HIVEP3: variants seen among roughly 807,000 people sequenced by gnomAD.
HIVEP3 encodes the protein transcription factor HIVEP3.
In HIVEP3, 49 loss-of-function variants were observed where a neutral mutation model predicts 152.8. That is an observed-to-expected ratio of 0.32 (90% CI 0.26 to 0.41). HIVEP3 has a LOEUF of 0.41. Ranked by LOEUF, HIVEP3 falls within the 10% of genes least tolerant of loss-of-function variation. The pLI is 1.00. For missense variants in HIVEP3, 2,790 were observed against 3,103.3 expected, an observed-to-expected ratio of 0.90 and a Z score of 2.40; for synonymous variants, 1,269 against 1,289.0, an observed-to-expected ratio of 0.98 and a Z score of 0.33.
At chr1:41,759,148 T>C (rs1170298809) in intron 1 of HIVEP3, among the ~76,000 whole-genome samples, 1 of 151,332 alleles carries the variant, frequency 6.6e-6, no homozygotes, top group Non-Finnish European at 1.5e-5. Flanking sequence ...TTCTATTAGG[T>C]TGGTGCAAAA....
At chr1:41,736,734 A>G (rs1332413104) in intron 1 of HIVEP3, among the ~76,000 whole-genome samples, 1 of 152,212 alleles carries the variant, frequency 6.6e-6, no homozygotes, top group Non-Finnish European at 1.5e-5. Flanking sequence ...TTAAGGCACA[A>G]GGATGATCAC....
rs145384872 is a variant in HIVEP3, at chr1:41,701,524, T to C, written c.-800-529A>G. Among the ~76,000 whole-genome samples, 189 of 152,298 alleles carry C rather than the reference T, an allele frequency of 1.2e-3. 1 individual carries two copies. The highest frequency in any genetic ancestry group is 4.4e-3 in the African/African-American group (181 of 41,558). On this transcript the variant is annotated intron_variant, in intron 1 of 8. Transcript: ENST00000372583. ...AAATGCCACAGGCTGGTGGGTTGCC[T>C]CCCTTCTCCAAGTGACCTCTGTGCC...
intron 2 of HIVEP3, among the ~76,000 whole-genome samples, chr1:41,648,685 AT>A (rs1645499543): frequency 6.6e-6 from 1 of 152,234 alleles, no homozygotes; most frequent in Admixed American, 6.5e-5. Context: ...GGTTACATGA[AT>A]TTAAAAGTTC....
chr1:41,538,500 G>A (rs891543790), intron 5 of HIVEP3, among the ~76,000 whole-genome samples: 3 of 152,114 alleles, frequency 2.0e-5, no homozygotes, highest in Non-Finnish European at 2.9e-5. Flanking sequence ...TTTTACTATT[G>A]TGATTTTTTT....
At chr1:41,735,374 A>T (rs985467366) in intron 1 of HIVEP3, among the ~76,000 whole-genome samples, 9 of 152,208 alleles carry the variant, frequency 5.9e-5, no homozygotes, top group Admixed American at 1.3e-4. Context: ...AGGGATGAGG[A>T]TGCACTTCTC....
At chr1:41,849,876 A>G (rs1158347519) in intron 1 of HIVEP3, among the ~76,000 whole-genome samples, 1 of 152,106 alleles carries the variant, frequency 6.6e-6, no homozygotes, top group East Asian at 1.9e-4. Flanking sequence ...TTTTTAGTAG[A>G]CATGGGGTTT....
intron 1 of HIVEP3, among the ~76,000 whole-genome samples, chr1:41,735,615 C>G (rs952031008): frequency 2.6e-5 from 4 of 152,154 alleles, no homozygotes; most frequent in African/African-American, 9.7e-5. Flanking sequence ...GCCTTTCTCC[C>G]CTATGGCTGG....
chr1:41,613,443 C>G (rs1644925105), intron 3 of HIVEP3, among the ~76,000 whole-genome samples: 2 of 152,232 alleles, frequency 1.3e-5, no homozygotes, highest in Non-Finnish European at 2.9e-5. Flanking sequence ...GTATTTTAAA[C>G]ACCTTCATGT....
intron 5 of HIVEP3, among the ~76,000 whole-genome samples, chr1:41,549,331 C>T (rs574108352): frequency 6.6e-6 from 1 of 152,178 alleles, no homozygotes; most frequent in South Asian, 2.1e-4. Flanking sequence ...CCACAATAAA[C>T]ATATGTGTGC....
intron 1 of HIVEP3, among the ~76,000 whole-genome samples, chr1:41,963,640 G>A (rs1285620282): frequency 4.6e-5 from 7 of 151,906 alleles, no homozygotes; most frequent in African/African-American, 1.7e-4. Flanking sequence ...AAACCTGCAC[G>A]TTGTGCACAT....
chr1:41,888,985 CCA>C (rs1000995799), intron 1 of HIVEP3, among the ~76,000 whole-genome samples: 3 of 140,144 alleles, frequency 2.1e-5, no homozygotes, highest in African/African-American at 8.8e-5. Context: ...ACCACACATG[CCA>C]CACACACACC....
chr1:41,846,561 C>T (rs955129043), intron 1 of HIVEP3, among the ~76,000 whole-genome samples: 2 of 152,194 alleles, frequency 1.3e-5, no homozygotes, highest in South Asian at 2.1e-4. Context: ...TACACCTGAA[C>T]GTGTTCGCTG....
At chr1:41,631,070 G>A (rs1645187090) in intron 2 of HIVEP3, among the ~76,000 whole-genome samples, 1 of 152,192 alleles carries the variant, frequency 6.6e-6, no homozygotes, top group Admixed American at 6.5e-5. Flanking sequence ...GATCAAATAA[G>A]GAAATATAGA....
intron 1 of HIVEP3, among the ~76,000 whole-genome samples, chr1:41,898,249 C>T (rs1644565977): frequency 1.3e-5 from 2 of 152,106 alleles, no homozygotes; most frequent in South Asian, 4.1e-4. Context: ...ATAAGAAAAA[C>T]TTAGTTTCCT....
chr1:41,683,153 C>T (rs1306680734), intron 2 of HIVEP3, among the ~76,000 whole-genome samples: 4 of 152,194 alleles, frequency 2.6e-5, no homozygotes, highest in African/African-American at 9.7e-5. Context: ...GCCCCCAAAA[C>T]AGAAGGGAAC....
At chr1:41,774,475 A>T (rs1648567624) in intron 1 of HIVEP3, among the ~76,000 whole-genome samples, 1 of 152,260 alleles carries the variant, frequency 6.6e-6, no homozygotes, top group African/African-American at 2.4e-5. Flanking sequence ...ATTCAGGCAC[A>T]TAATGGGCAA....
chr1:41,678,728 G>A (rs139937489), intron 2 of HIVEP3, among the ~76,000 whole-genome samples: 2,246 of 149,926 alleles, frequency 0.015, 30 homozygotes, highest in Non-Finnish European at 0.019. Context: ...TGCCCTACCC[G>A]CTTGAGGCCA....
intron 1 of HIVEP3, among the ~76,000 whole-genome samples, chr1:41,770,588 C>A (rs1031298699): frequency 1.1e-4 from 16 of 152,144 alleles, no homozygotes; most frequent in African/African-American, 3.6e-4. Context: ...GAGAAGGGGA[C>A]AGCACTTCTA....
chr1:41,883,667 C>G (rs1179186057), intron 1 of HIVEP3, among the ~76,000 whole-genome samples: 1 of 152,196 alleles, frequency 6.6e-6, no homozygotes, highest in Non-Finnish European at 1.5e-5. Flanking sequence ...CAATGCCTGT[C>G]AGAGGCAGCC....
Sources: gnomAD v4.1 joint callset for allele counts (sites outside exome capture counted in the v4.1 genomes callset) on GRCh38, gnomAD v4.1.1 for gene constraint, MANE v1.5 for transcripts, NCBI Gene and HGNC (gene_info 2026-07-23, HGNC 2026-07-21) for gene names.